Variants in TNS1 observed in about 807,000 individuals in gnomAD.
TNS1 encodes tensin-1.
Under a neutral mutation model 168.6 loss-of-function variants are expected in TNS1, and 62 were observed. The ratio of observed to expected loss-of-function variants is 0.37; its 90% CI spans 0.30 to 0.45. The LOEUF is 0.45. Ranked by LOEUF, TNS1 falls within the 20% of genes least tolerant of loss-of-function variation. TNS1 has a pLI of 1.00. For missense variants in TNS1, 2,240 were observed against 2,339.4 expected (o/e 0.96, Z 0.88); for synonymous variants, 934 against 933.2 (o/e 1.00, Z -0.02).
intron 3 of TNS1, among the ~76,000 whole-genome samples, chr2:217,975,586 A>G (rs1004650312): frequency 4.6e-5 from 7 of 152,162 alleles, no homozygotes; most frequent in African/African-American, 1.4e-4. Context: ...GGACTGTGAA[A>G]AGGAGACCAA....
rs746744855 is a variant in TNS1 at position 217,836,157 on chromosome 2, C to T, written c.3062G>A (p.Arg1021Gln). 49 of 1,613,708 alleles carry T rather than the reference C, an allele frequency of 3.0e-5. No homozygotes were observed. Among genetic ancestry groups the T allele is most frequent in the Middle Eastern group, 1.7e-4 (1 of 5,970 alleles). Residue 1021 changes from arginine to glutamine, a missense_variant, in exon 20 of 33, where the codon CGG becomes CAG. Around this residue, in one of 2 missense-constraint regions of TNS1, gnomAD observed 2,131 missense variants for 2,171.2 expected, o/e 0.98. Coordinates refer to ENST00000682258, the MANE Select transcript of TNS1 (RefSeq NM_001387777.1). ...CTCATACTGTCCATCACTGGCCGCC[C>T]GCCTCCGCAGAGGGGCTGGGGGCTC... ...PAEPPAPLRRRAASDGQYENQ... is the reference protein window; with the variant it reads ...PAEPPAPLRRQAASDGQYENQ...
At chr2:217,849,219 C>T in intron 18 of TNS1, 132 bp from the exon 19 acceptor site, 3 of 1,116,434 alleles carry the variant, frequency 2.7e-6, no homozygotes, top group South Asian at 3.2e-5. Flanking sequence ...CTCTCACCAC[C>T]CTGAGGTGGG....
At chr2:217,957,066 G>A (rs1033674213) in intron 3 of TNS1, among the ~76,000 whole-genome samples, 2 of 152,200 alleles carry the variant, frequency 1.3e-5, no homozygotes, top group East Asian at 1.9e-4. Context: ...CTGGGGGCAC[G>A]AGGAGTAGGA....
intron 6 of TNS1, among the ~76,000 whole-genome samples, chr2:217,901,131 G>T (rs1952925495): frequency 6.6e-6 from 1 of 152,180 alleles, no homozygotes; most frequent in African/African-American, 2.4e-5. Flanking sequence ...TTTCACAGCT[G>T]TCGAGTGGTA....
At position 217,847,551 on chromosome 2, in the gene TNS1, T is replaced by C; in HGVS notation, c.2966A>G (p.Glu989Gly). Residue 989 changes from glutamate (E) to glycine (G), a missense_variant, in exon 19 of 33, where the codon GAG (glutamate) becomes GGG (glycine). Physicochemically the swap from Glu to Gly is moderately conservative, Grantham distance 98. Coordinates refer to ENST00000682258, the MANE Select transcript of TNS1 (RefSeq NM_001387777.1). ...CACCAGCCCTTCTAAATTCAATGGC[T>C]CCTCCTCTGGAGTCCGGGAGGGGTC... The part of the protein sequence containing the change: ...TSDPSRTPEE[E>G]PLNLEGLVAH... 1.4e-6 allele frequency: 2 copies of C among 1,477,304 alleles called. No homozygotes were observed. The highest frequency in any genetic ancestry group is 1.8e-6 in the Non-Finnish European group (2 of 1,107,528). The allele number at this position is 1,477,304 out of a possible 1,614,324, so 91.5% of individuals were successfully genotyped here.
At chr2:217,844,524 T>G (rs182206249) in intron 19 of TNS1, among the ~76,000 whole-genome samples, 85 of 152,300 alleles carry the variant, frequency 5.6e-4, no homozygotes, top group African/African-American at 1.9e-3. Context: ...CCAAACATTT[T>G]CTGTGCTCTC....
At chr2:217,869,536 T>C (rs542423299) in intron 18 of TNS1, among the ~76,000 whole-genome samples, 1 of 152,056 alleles carries the variant, frequency 6.6e-6, no homozygotes, top group Non-Finnish European at 1.5e-5. Context: ...AGGGGTGGCA[T>C]CAACCCACCC....
intron 2 of TNS1, among the ~76,000 whole-genome samples, chr2:217,983,306 T>A (rs901167508): frequency 3.3e-5 from 5 of 152,134 alleles, no homozygotes; most frequent in African/African-American, 1.2e-4. Context: ...TCCCAGCTAC[T>A]ACAGAAGGCC....
At chr2:217,891,875 A>C (rs1951778026) in intron 11 of TNS1, among the ~76,000 whole-genome samples, 1 of 152,132 alleles carries the variant, frequency 6.6e-6, no homozygotes, top group African/African-American at 2.4e-5. Context: ...CTGGTCACTC[A>C]GGTCTCTGTT....
At chr2:217,820,796 G>A (rs1156352738) in intron 23 of TNS1, among the ~76,000 whole-genome samples, 1 of 151,900 alleles carries the variant, frequency 6.6e-6, no homozygotes, top group African/African-American at 2.4e-5. Context: ...GCTCCTTGCT[G>A]CACCCCTCCA....
intron 2 of TNS1, among the ~76,000 whole-genome samples, chr2:217,984,437 AG>A (rs144935739): frequency 0.013 from 2,015 of 151,920 alleles, 44 homozygotes; most frequent in African/African-American, 0.046. Flanking sequence ...TTTGCAAGGC[AG>A]GGGGGCACAT....
At position 217,813,592 on chromosome 2, in the gene TNS1, C is replaced by T. The variant is rs745515421; in HGVS notation, c.4861+93G>A. On this transcript the variant is annotated intron_variant, in intron 26 of 32. Transcript: ENST00000682258. This position sits in a 1 kb window ranked among gnomAD's most constrained non-coding sequence, Gnocchi z 4.0. ...CGAAGAGCCTGATGGGAGTTAAGGTCCTGCCCAGCACCCTGGGTCCCTCCA... is the reference window on the plus strand; with the variant it reads ...CGAAGAGCCTGATGGGAGTTAAGGTTCTGCCCAGCACCCTGGGTCCCTCCA... 7 of 1,509,176 alleles carry T rather than the reference C, an allele frequency of 4.6e-6. No homozygotes were observed. Among genetic ancestry groups the T allele is most frequent in the Non-Finnish European group, 6.2e-6 (7 of 1,125,346 alleles). The allele number at this position is 1,509,176 out of a possible 1,614,324, so 93.5% of individuals were successfully genotyped here.
chr2:218,016,506 A>G (rs1574482028), intron 1 of TNS1, among the ~76,000 whole-genome samples: 1 of 152,054 alleles, frequency 6.6e-6, no homozygotes, highest in Non-Finnish European at 1.5e-5. Context: ...CTCCCAGACA[A>G]TGGTTACTGC....
In TNS1 at chr2:217,848,553, T is replaced by A; in HGVS notation, c.1964A>T (p.Glu655Val). 6.2e-7 allele frequency: 1 copy of A among 1,614,088 alleles called. No individual in the cohort carries two copies. Residue 655 changes from glutamate to valine, a missense_variant, in exon 19 of 33, where the codon GAG becomes GTG. Physicochemically the swap from Glu to Val is moderately radical, Grantham distance 121 (BLOSUM62 -2). This residue lies in a region of TNS1 where 2,131 missense variants were observed against 2,171.2 expected (regional missense o/e 0.98). Coordinates refer to ENST00000682258, the MANE Select transcript of TNS1 (RefSeq NM_001387777.1). The part of the protein sequence containing the change: ...SSLDGVTNTS[E>V]GGYPEALSPL... ...GGACAGGGCCTCTGGGTAGCCCCCC[T>A]CACTGGTGTTGGTGACCCCGTCCAG...
chr2:217,968,023 C>T (rs1957689422), intron 3 of TNS1, among the ~76,000 whole-genome samples: 1 of 152,108 alleles, frequency 6.6e-6, no homozygotes, highest in African/African-American at 2.4e-5. Flanking sequence ...ATGTATTATA[C>T]TGTATCAATA....
At chr2:217,837,831 A>G (rs1423420686) in intron 19 of TNS1, among the ~76,000 whole-genome samples, 3 of 152,220 alleles carry the variant, frequency 2.0e-5, no homozygotes, top group Non-Finnish European at 4.4e-5. Flanking sequence ...GGCTGCCAGG[A>G]GCATCTACCT....
At chr2:217,993,088 G>A (rs533006033) in intron 1 of TNS1, among the ~76,000 whole-genome samples, 19 of 152,246 alleles carry the variant, frequency 1.2e-4, no homozygotes, top group South Asian at 8.3e-4. Context: ...CATGCTGTGC[G>A]GGATTTTAGC....
chr2:217,848,197 A>T lies in TNS1; in HGVS notation c.2320T>A (p.Ser774Thr). 6.3e-7 allele frequency: 1 copy of T among 1,599,246 alleles called. No homozygotes were observed. Among genetic ancestry groups the T allele is most frequent in the Non-Finnish European group, 8.5e-7 (1 of 1,173,976 alleles). ...TGCTGCTGCTGCTGCTGCTGCCACG[A>T]ATTCAGTCCCCTTTGCACAGCCTCC... Reference protein sequence around the residue: ...SREAVQRGLNSWQQQQQQQQQ... With the variant: ...SREAVQRGLNTWQQQQQQQQQ... The change falls in exon 19 of 33, where the codon TCG becomes ACG. Residue 774 changes from serine to threonine, a missense_variant. By Grantham distance (58) the Ser-to-Thr change is moderately conservative. Around this residue, in one of 2 missense-constraint regions of TNS1, gnomAD observed 2,131 missense variants for 2,171.2 expected, o/e 0.98. Coordinates refer to ENST00000682258, the MANE Select transcript of TNS1 (RefSeq NM_001387777.1).
rs867636472 is a variant in TNS1, at chr2:217,998,221, G to C, written c.33+4619C>G. Among the ~76,000 whole-genome samples the C allele has an allele frequency of 5.7e-3, 851 of 149,538 alleles. 10 individuals carry two copies. The highest frequency in any genetic ancestry group is 0.019 in the African/African-American group (782 of 40,464). On this transcript the variant is annotated intron_variant, in intron 1 of 32. Coordinates refer to ENST00000682258, the MANE Select transcript of TNS1 (RefSeq NM_001387777.1). ...AGATAGATGAGTTCTCTCCATCAGTGTCTCTCTCTCTCTCTCTCTCTCTCC... is the reference window on the plus strand; with the variant it reads ...AGATAGATGAGTTCTCTCCATCAGTCTCTCTCTCTCTCTCTCTCTCTCTCC...
Sources: gnomAD v4.1 joint callset for allele counts (sites outside exome capture counted in the v4.1 genomes callset) on GRCh38, gnomAD v4.1.1 for gene constraint, gnomAD v4.1.1 regional missense constraint, Gnocchi (gnomAD v3.1) non-coding constraint, MANE v1.5 for transcripts, NCBI Gene and HGNC (gene_info 2026-07-23, HGNC 2026-07-21) for gene names.